The following FAM13A variants were observed in gnomAD, a reference collection of about 807,000 sequenced individuals.
FAM13A encodes protein FAM13A.
Under a neutral mutation model 129.6 loss-of-function variants are expected in FAM13A, and 76 were observed. That is an observed-to-expected ratio of 0.59 (90% CI 0.49 to 0.71). The LOEUF (loss-of-function observed/expected upper bound fraction) is 0.71, where lower values mean the gene tolerates loss of function less well. Among genes scored for constraint, FAM13A ranks in the 30% least tolerant of loss-of-function variants. The pLI is 0.00. For synonymous variants in FAM13A, 443 were observed against 449.9 expected (o/e 0.98, Z 0.20); for missense variants, 1,108 against 1,249.3 (o/e 0.89, Z 1.70).
At chr4:88,737,407 A>G (rs1301110263) in intron 21 of FAM13A, 65 bp downstream of exon 21, 1 of 1,332,240 alleles carries the variant, frequency 7.5e-7, no homozygotes, top group Non-Finnish European at 1.1e-6. Flanking sequence ...CATTCACCGG[A>G]GGGGAGGGGA....
intron 4 of FAM13A, among the ~76,000 whole-genome samples, chr4:88,964,633 C>CTTTT (rs763599993): frequency 7.4e-6 from 1 of 135,670 alleles, no homozygotes. Context: ...ACACTCTGCT[C>CTTTT]TTTTTTTTTT....
intron 4 of FAM13A, among the ~76,000 whole-genome samples, chr4:88,945,982 G>A (rs1245748964): frequency 4.0e-5 from 1 of 24,826 alleles, no homozygotes; most frequent in African/African-American, 2.4e-4. Flanking sequence ...GTGTGTGTGT[G>A]TGTGTGTGTA....
intron 4 of FAM13A, chr4:88,990,193 C>T (rs73847222): frequency 6.6e-6 from 1 of 152,088 alleles, no homozygotes; most frequent in Middle Eastern, 3.2e-3. Context: ...TAAATTTAGA[C>T]AGTCATTCTG....
chr4:88,890,547 C>T (rs1237527846), intron 6 of FAM13A, among the ~76,000 whole-genome samples: 3 of 152,082 alleles, frequency 2.0e-5, no homozygotes, highest in Non-Finnish European at 4.4e-5. Context: ...GCTTCAATAT[C>T]ACAACACATA....
chr4:89,020,931 T>C (rs1265452398), intron 2 of FAM13A, among the ~76,000 whole-genome samples: 1 of 149,322 alleles, frequency 6.7e-6, no homozygotes, highest in Non-Finnish European at 1.5e-5. Flanking sequence ...TATATAAACA[T>C]AGAGCAAAAC....
rs1772277345 is a variant in FAM13A, at chr4:89,057,018, C to T, written c.-54G>A. 19 of 1,605,832 alleles carry T rather than the reference C, an allele frequency of 1.2e-5. No individual in the cohort carries two copies. The highest frequency in any genetic ancestry group is 1.6e-5 in the Non-Finnish European group (19 of 1,177,798). On this transcript the variant is annotated 5_prime_UTR_variant, in exon 1 of 24. Coordinates refer to ENST00000264344, the MANE Select transcript of FAM13A (RefSeq NM_014883.4). ...GGAAGACCAGACGAAAATATTAAAA[C>T]GACAGCAAAATACTAAAATTCCATT...
chr4:89,052,620 G>A (rs772066552), intron 1 of FAM13A, among the ~76,000 whole-genome samples: 2 of 151,798 alleles, frequency 1.3e-5, no homozygotes, highest in Non-Finnish European at 2.9e-5. Context: ...TAATTCTTCC[G>A]TTATCTTGGA....
chr4:88,983,178 T>C (rs1761852129), intron 4 of FAM13A, among the ~76,000 whole-genome samples: 1 of 152,098 alleles, frequency 6.6e-6, no homozygotes, highest in African/African-American at 2.4e-5. Flanking sequence ...ATAAAACTTC[T>C]GCTTGAAAAC....
intron 7 of FAM13A, among the ~76,000 whole-genome samples, chr4:88,813,338 T>C (rs961917926): frequency 6.6e-6 from 1 of 152,162 alleles, no homozygotes; most frequent in African/African-American, 2.4e-5. Context: ...TTTATCATTA[T>C]TATAAACATA....
chr4:88,886,948 T>C (rs1407598935), intron 6 of FAM13A, among the ~76,000 whole-genome samples: 2 of 151,330 alleles, frequency 1.3e-5, no homozygotes, highest in African/African-American at 2.4e-5. Context: ...ATATTACCCA[T>C]GGAATACTAC....
intron 4 of FAM13A, among the ~76,000 whole-genome samples, chr4:88,961,350 T>C (rs1344109161): frequency 2.8e-5 from 1 of 35,534 alleles, no homozygotes; most frequent in African/African-American, 1.2e-4. Flanking sequence ...AATTTGCCTT[T>C]TTTTTTTTTT....
Position 88,904,944 on chromosome 4 carries a change from CATTG to C in FAM13A, c.843+1431_843+1434del, listed in dbSNP as rs949304611. ...TATTAAAATTTATGTAAATACTTTC[CATTG>C]ATTATGTGTTCCTCATAATTATGAA... On this transcript the variant is annotated intron_variant, in intron 6 of 23. Coordinates refer to ENST00000264344, the MANE Select transcript of FAM13A (RefSeq NM_014883.4). Among the ~76,000 whole-genome samples, 11 of 151,790 alleles carry C rather than the reference CATTG, an allele frequency of 7.2e-5. 1 individual carries two copies. The highest frequency in any genetic ancestry group is 1.3e-4 in the Non-Finnish European group (9 of 67,976).
intron 3 of FAM13A, among the ~76,000 whole-genome samples, chr4:88,995,099 C>T (rs191979424): frequency 1.9e-4 from 29 of 149,406 alleles, no homozygotes; most frequent in Middle Eastern, 3.4e-3. Flanking sequence ...GTTGCACACA[C>T]ACACCCAAAA....
At chr4:88,729,321 A>T (rs1008446956) in intron 23 of FAM13A, 1 of 152,308 alleles carries the variant, frequency 6.6e-6, no homozygotes, top group Non-Finnish European at 1.5e-5. Context: ...CACACTACAC[A>T]TGATGAAACC....
At position 88,757,161 on chromosome 4, in the gene FAM13A, C is replaced by T. The variant is rs184812554; in HGVS notation, c.1726+1593G>A. 3.3e-5 allele frequency among the ~76,000 whole-genome samples: 5 copies of T among 152,162 alleles called. No homozygotes were observed. In the East Asian group the frequency reaches 9.6e-4, roughly 29 times the overall value. The stretch of plus-strand genomic sequence containing the variant: ...TAGTTTTAAGGAAACTATAAGCTGG[C>T]TTTCAGTCACTCTGAAGAGTATTCT... On this transcript the variant is annotated intron_variant, in intron 14 of 23. Coordinates refer to ENST00000264344, the MANE Select transcript of FAM13A (RefSeq NM_014883.4).
intron 10 of FAM13A, among the ~76,000 whole-genome samples, chr4:88,786,718 G>A (rs999422804): frequency 7.9e-5 from 12 of 151,378 alleles, no homozygotes; most frequent in African/African-American, 2.2e-4. Flanking sequence ...TAAACATCTC[G>A]GTGAGGTATA....
intron 11 of FAM13A, among the ~76,000 whole-genome samples, chr4:88,780,894 A>C (rs375791214): frequency 6.6e-6 from 1 of 152,046 alleles, no homozygotes; most frequent in East Asian, 1.9e-4. Flanking sequence ...TTTCAAAAAC[A>C]AAATTTAAAA....
intron 11 of FAM13A, among the ~76,000 whole-genome samples, chr4:88,774,292 C>G (rs1031801361): frequency 2.6e-5 from 4 of 152,176 alleles, no homozygotes; most frequent in African/African-American, 9.7e-5. Context: ...TGCCATCTAA[C>G]TAGATATTTC....
chr4:88,801,058 C>A (rs1342746100), intron 8 of FAM13A, among the ~76,000 whole-genome samples: 1 of 151,772 alleles, frequency 6.6e-6, no homozygotes, highest in Non-Finnish European at 1.5e-5. Context: ...AAAAAAAAAT[C>A]ACAAACATAC....
Sources: allele counts gnomAD v4.1 joint callset (sites outside exome capture counted in the v4.1 genomes callset), GRCh38; gene constraint gnomAD v4.1.1; transcripts MANE v1.5; gene names NCBI Gene and HGNC (gene_info 2026-07-23, HGNC 2026-07-21).